Variants in HTR2C observed in about 807,000 individuals in gnomAD.
HTR2C encodes the protein 5-hydroxytryptamine receptor 2C.
HTR2C carries 5 observed loss-of-function variants against 21.0 expected under a neutral mutation model. The observed-to-expected ratio is 0.24, with a 90% CI of 0.12 to 0.50. The LOEUF is 0.50. Among genes scored for constraint, HTR2C ranks in the 20% least tolerant of loss-of-function variants. The pLI, the probability that HTR2C is intolerant of heterozygous loss-of-function variation, is 0.98. For synonymous variants in HTR2C, 150 were observed against 145.3 expected, an observed-to-expected ratio of 1.03 and a Z score of -0.23; for missense variants, 271 against 371.2, an observed-to-expected ratio of 0.73 and a Z score of 2.22.
intron 4 of HTR2C, among the ~76,000 whole-genome samples, chrX:114,779,201 G>C (rs1032027584): frequency 9.0e-6 from 1 of 110,888 alleles, no homozygotes; most frequent in East Asian, 2.8e-4. Context: ...GTCATCTTGG[G>C]GGGAGGCTGC....
chrX:114,677,363 T>C (rs1931595200), intron 2 of HTR2C, among the ~76,000 whole-genome samples: 1 of 111,481 alleles, frequency 9.0e-6, no homozygotes, highest in African/African-American at 3.3e-5. Context: ...AAGAGACAGA[T>C]TCAGACAGTT....
intron 4 of HTR2C, among the ~76,000 whole-genome samples, chrX:114,773,891 C>T (rs1448928092): frequency 9.0e-6 from 1 of 111,271 alleles, no homozygotes; most frequent in African/African-American, 3.3e-5. Context: ...TCCCATCCCA[C>T]CCTGTGTCCA....
chrX:114,680,772 A>G (rs373319792), intron 2 of HTR2C, among the ~76,000 whole-genome samples: 6 of 111,965 alleles, frequency 5.4e-5, no homozygotes, highest in African/African-American at 1.9e-4. Context: ...AGAATAGTCA[A>G]TATTCCAGAA....
At chrX:114,701,462 G>C (rs2147309075) in intron 2 of HTR2C, among the ~76,000 whole-genome samples, 2 of 111,859 alleles carry the variant, frequency 1.8e-5, no homozygotes, top group African/African-American at 6.5e-5. Context: ...GGTCTGGAGT[G>C]GACCTCCAGC....
At chrX:114,780,275 C>CA (rs2070104342) in intron 4 of HTR2C, among the ~76,000 whole-genome samples, 1 of 111,331 alleles carries the variant, frequency 9.0e-6, no homozygotes, top group Non-Finnish European at 1.9e-5. Context: ...TATACACTCA[C>CA]ACACATAGGT....
intron 5 of HTR2C, among the ~76,000 whole-genome samples, chrX:114,871,252 T>C (rs1272192520): frequency 1.8e-5 from 2 of 111,936 alleles, no homozygotes; most frequent in Admixed American, 9.5e-5. Flanking sequence ...CTTCTTGTTA[T>C]TAATTTCTAG....
At chrX:114,588,568 A>G (rs1278746396) in intron 1 of HTR2C, among the ~76,000 whole-genome samples, 2 of 112,080 alleles carry the variant, frequency 1.8e-5, no homozygotes, top group African/African-American at 6.5e-5. Context: ...AATGTCAACT[A>G]ATATCTAGAC....
chrX:114,796,808 C>T (rs957390706), intron 4 of HTR2C, among the ~76,000 whole-genome samples: 4 of 111,408 alleles, frequency 3.6e-5, no homozygotes, highest in Admixed American at 1.9e-4. Context: ...CCAGTGATCA[C>T]GTACAAGGGC....
At chrX:114,836,326 G>C (rs1259307140) in intron 4 of HTR2C, among the ~76,000 whole-genome samples, 11 of 112,100 alleles carry the variant, frequency 9.8e-5, no homozygotes, top group African/African-American at 3.5e-4. Context: ...CTTGCAGTTT[G>C]ATCTCAGACT....
At chrX:114,893,501 A>T (rs1556483290) in intron 5 of HTR2C, among the ~76,000 whole-genome samples, 1 of 111,908 alleles carries the variant, frequency 8.9e-6, no homozygotes, top group African/African-American at 3.2e-5. Context: ...ACAAATTGGT[A>T]TAAAAGAATT....
chrX:114,678,365 A>G (rs990273683), intron 2 of HTR2C, among the ~76,000 whole-genome samples: 1 of 110,507 alleles, frequency 9.0e-6, no homozygotes, highest in African/African-American at 3.3e-5. Context: ...CCCCCTTCAA[A>G]TCCTGTCAAC....
At chrX:114,602,153 T>C (rs1331908202) in intron 1 of HTR2C, among the ~76,000 whole-genome samples, 2 of 31,820 alleles carry the variant, frequency 6.3e-5, no homozygotes, top group African/African-American at 2.0e-4. Context: ...GAGTGGCAGT[T>C]TGGGGATAGC....
intron 4 of HTR2C, among the ~76,000 whole-genome samples, chrX:114,794,257 A>G (rs1428811843): frequency 1.8e-5 from 2 of 111,308 alleles, no homozygotes; most frequent in South Asian, 3.8e-4. Flanking sequence ...ATAAACACCT[A>G]TTATGCTTGT....
rs781936698 is a variant in HTR2C at position 114,841,734 on chromosome X, C to G, written c.350-6269C>G. On this transcript the variant is annotated intron_variant, in intron 4 of 5. Coordinates refer to ENST00000276198, the MANE Select transcript of HTR2C (RefSeq NM_000868.4). ...CCAGCCTGGGTGACAGAGTGAGACT[C>G]CGTCTCAAAAAAAAAAAAAAATTTT... 1.2e-4 allele frequency among the ~76,000 whole-genome samples: 6 copies of G among 49,476 alleles called. No homozygotes were observed. The Admixed American group carries it at 2.1e-3, about 17-fold the overall frequency. The allele number at this position is 49,476 out of a possible 115,157, so 43.0% of individuals were successfully genotyped here.
At chrX:114,735,610 G>C (rs2069582675) in intron 4 of HTR2C, among the ~76,000 whole-genome samples, 3 of 110,631 alleles carry the variant, frequency 2.7e-5, no homozygotes, top group African/African-American at 9.8e-5. Context: ...TCATTTCGTT[G>C]ATTCTTCTAT....
At chrX:114,874,125 CTGAA>C (rs2071113169) in intron 5 of HTR2C, among the ~76,000 whole-genome samples, 1 of 77,305 alleles carries the variant, frequency 1.3e-5, no homozygotes, top group African/African-American at 5.0e-5. Context: ...TTTTTAATGA[CTGAA>C]TAATTCTCTT....
At chrX:114,814,749 A>T (rs2070565451) in intron 4 of HTR2C, among the ~76,000 whole-genome samples, 1 of 102,972 alleles carries the variant, frequency 9.7e-6, no homozygotes, top group African/African-American at 3.5e-5. Flanking sequence ...CATCTAATAT[A>T]TAGTATATAT....
chrX:114,795,908 C>G (rs1367741797), intron 4 of HTR2C, among the ~76,000 whole-genome samples: 1 of 111,699 alleles, frequency 9.0e-6, no homozygotes, highest in Non-Finnish European at 1.9e-5. Flanking sequence ...GGATTTTTCT[C>G]ATATTTGTTG....
intron 1 of HTR2C, among the ~76,000 whole-genome samples, chrX:114,605,477 G>T (rs1255781722): frequency 2.1e-4 from 23 of 110,919 alleles, no homozygotes; most frequent in Admixed American, 1.3e-3. Context: ...GATTTGGGAC[G>T]AGTTGCACTG....
Sources: allele counts gnomAD v4.1 joint callset (sites outside exome capture counted in the v4.1 genomes callset), GRCh38; gene constraint gnomAD v4.1.1; transcripts MANE v1.5; gene names NCBI Gene and HGNC (gene_info 2026-07-23, HGNC 2026-07-21).